The following SNX9 variants were observed in gnomAD, a reference collection of about 807,000 sequenced individuals.
SNX9 encodes the protein sorting nexin-9.
In SNX9, 44 loss-of-function variants were observed where a neutral mutation model predicts 89.4. The observed-to-expected ratio is 0.49, with a 90% CI of 0.39 to 0.63. SNX9 has a LOEUF of 0.63. Ranked by LOEUF, SNX9 falls within the 30% of genes least tolerant of loss-of-function variation. The probability of loss-of-function intolerance (pLI) is 0.00; values close to 1 mark genes in which losing one functional copy is unlikely to be tolerated. For missense variants in SNX9, 578 were observed against 736.1 expected, an observed-to-expected ratio of 0.79 and a Z score of 2.49; for synonymous variants, 236 against 247.8, an observed-to-expected ratio of 0.95 and a Z score of 0.45.
chr6:157,926,513 G>A (rs1286405328), intron 10 of SNX9, among the ~76,000 whole-genome samples: 1 of 152,146 alleles, frequency 6.6e-6, no homozygotes, highest in Non-Finnish European at 1.5e-5. Flanking sequence ...CGAGCACAGT[G>A]GCTTATGCCT....
intron 1 of SNX9, among the ~76,000 whole-genome samples, chr6:157,853,618 T>G (rs937748284): frequency 3.9e-4 from 60 of 152,234 alleles, no homozygotes; most frequent in African/African-American, 1.4e-3. Flanking sequence ...GGTAGGGGAA[T>G]GTCTGGTTCC....
In SNX9 at chr6:157,823,588, G is replaced by A. The variant is rs1781281055; in HGVS notation, c.12+142G>A. ...CTTCCTCGGTGGAGTCCCCGGGCGG[G>A]TCCGCGGCCCAGCCAGTCCCTTCTG... is the stretch of plus-strand genomic sequence containing the variant. On this transcript the variant is annotated intron_variant, in intron 1 of 17. Transcript: ENST00000392185. This position sits in a 1 kb window ranked among gnomAD's most constrained non-coding sequence, Gnocchi z 4.6. 1.5e-6 allele frequency: 1 copy of A among 673,504 alleles called. No individual in the cohort carries two copies. The highest frequency in any genetic ancestry group is 2.0e-6 in the Non-Finnish European group (1 of 509,514). The allele number at this position is 673,504 out of a possible 1,614,324, so 41.7% of individuals were successfully genotyped here.
chr6:157,935,917 GAA>G, intron 13 of SNX9, 45 bp from the exon 14 acceptor site: 4 of 1,367,440 alleles, frequency 2.9e-6, no homozygotes, highest in Non-Finnish European at 4.0e-6. Context: ...CAAGTGAAAA[GAA>G]AATATGCATA....
At chr6:157,883,377 A>G (rs1427318274) in intron 4 of SNX9, among the ~76,000 whole-genome samples, 1 of 152,124 alleles carries the variant, frequency 6.6e-6, no homozygotes, top group Non-Finnish European at 1.5e-5. Flanking sequence ...CTTTTATGTC[A>G]TCTCCTTGTT....
At chr6:157,927,306 C>A in intron 11 of SNX9, 92 bp downstream of exon 11, 1 of 792,142 alleles carries the variant, frequency 1.3e-6, no homozygotes, top group Non-Finnish European at 2.1e-6. Context: ...AGCCGAAACT[C>A]AAATCAGACT....
At chr6:157,904,635 A>G (rs1283934416) in intron 6 of SNX9, among the ~76,000 whole-genome samples, 5 of 151,836 alleles carry the variant, frequency 3.3e-5, no homozygotes, top group East Asian at 1.9e-4. Flanking sequence ...CGCTTGAACC[A>G]GGAGGTGGAG....
intron 9 of SNX9, among the ~76,000 whole-genome samples, chr6:157,918,961 A>G (rs1783528379): frequency 6.6e-6 from 1 of 152,052 alleles, no homozygotes; most frequent in African/African-American, 2.4e-5. Context: ...ACTGCTTTCT[A>G]CAGTCTTTTG....
rs1302713513 is a variant in SNX9, at chr6:157,823,326, C to T, written c.-109C>T. 16 of 1,016,278 alleles carry T rather than the reference C, an allele frequency of 1.6e-5. No individual in the cohort carries two copies. Among genetic ancestry groups the T allele is most frequent in the Non-Finnish European group, 2.0e-5 (16 of 810,462 alleles). 63.0% of individuals were successfully genotyped at this position (1,016,278 alleles called of 1,614,324 possible). On this transcript the variant is annotated 5_prime_UTR_variant, in exon 1 of 18. Transcript: ENST00000392185. This position sits in a 1 kb window ranked among gnomAD's most constrained non-coding sequence, Gnocchi z 4.6. ...CGGAGGAGCGGCCGCCGCGCCGGGG[C>T]CCAGCCGGAGCCGCCGCCCTCGCCC...
rs145589455 is a variant in SNX9 at position 157,867,633 on chromosome 6, G to A, written c.99G>A (p.Pro33=). 28 of 1,608,642 alleles carry A rather than the reference G, an allele frequency of 1.7e-5. No homozygotes were observed. Among genetic ancestry groups the A allele is most frequent in the East Asian group, 2.2e-5 (1 of 44,696 alleles). The change falls in exon 2 of 18, where the codon CCG becomes CCA. Residue 33 remains proline, a splice_region_variant and synonymous_variant. Coordinates refer to ENST00000392185, the MANE Select transcript of SNX9 (RefSeq NM_016224.5). ...GAGAAATCATCACAATCACAAATCC[G>A]GTAAGAGAACTGTACATTCGAGTCT... is the stretch of plus-strand genomic sequence containing the variant. ...NEGEIITITN[P]DVGGGWLEGR...
At chr6:157,919,671 T>G (rs1263184105) in intron 9 of SNX9, among the ~76,000 whole-genome samples, 1 of 152,238 alleles carries the variant, frequency 6.6e-6, no homozygotes, top group Non-Finnish European at 1.5e-5. Flanking sequence ...GAATCTGCTT[T>G]ATCTGCCACA....
chr6:157,916,758 A>G (rs1339913163), intron 9 of SNX9, among the ~76,000 whole-genome samples: 1 of 152,222 alleles, frequency 6.6e-6, no homozygotes, highest in Admixed American at 6.5e-5. Flanking sequence ...CCAGCCTTAC[A>G]TGCCTGGAAT....
chr6:157,914,463 CTTTTTCTTTTTTTTTTT>C (rs1783417457), intron 9 of SNX9, among the ~76,000 whole-genome samples: 1 of 96,632 alleles, frequency 1.0e-5, no homozygotes, highest in Non-Finnish European at 2.0e-5. Flanking sequence ...TTGTCATTTT[CTTTTTCTTTTTTTTTTT>C]TTTTTTTTTT....
chr6:157,874,952 AAGAAT>A (rs1358474433), intron 3 of SNX9, 94 bp from the exon 4 acceptor site: 20 of 1,351,518 alleles, frequency 1.5e-5, no homozygotes, highest in Non-Finnish European at 1.9e-5. Context: ...TGTAGCATTG[AAGAAT>A]ATAAACCCTT....
chr6:157,843,100 A>ATAT (rs528104340), intron 1 of SNX9, among the ~76,000 whole-genome samples: 246 of 152,338 alleles, frequency 1.6e-3, no homozygotes, highest in Admixed American at 3.3e-3. Context: ...TTCCTCAATT[A>ATAT]TAATTTTGCA....
intron 1 of SNX9, among the ~76,000 whole-genome samples, chr6:157,862,021 A>T (rs995968965): frequency 3.3e-5 from 5 of 152,174 alleles, no homozygotes; most frequent in African/African-American, 1.2e-4. Context: ...TCATGTCCTG[A>T]GTGGGAGAGT....
chr6:157,829,793 C>T (rs540227146), intron 1 of SNX9, among the ~76,000 whole-genome samples: 10 of 152,178 alleles, frequency 6.6e-5, no homozygotes, highest in African/African-American at 1.9e-4. Context: ...TATATAAAAG[C>T]CAATAGCTGA....
rs1047645269 is a variant in SNX9 at position 157,823,960 on chromosome 6, G to T, written c.12+514G>T. On this transcript the variant is annotated intron_variant, in intron 1 of 17. Transcript: ENST00000392185. The surrounding 1 kb of genome is among the most constrained non-coding windows in gnomAD (Gnocchi z 4.6). ...TCCCGGCCTGCGGGGGCTCGCGGCC[G>T]GGGAGGGACCGAGGCTGGGACGCCC... Among the ~76,000 whole-genome samples, 1 of 152,184 alleles carries T rather than the reference G, an allele frequency of 6.6e-6. No homozygotes were observed. Among genetic ancestry groups the T allele is most frequent in the Non-Finnish European group, 1.5e-5 (1 of 68,030 alleles).
chr6:157,939,759 T>C (rs1262459139), intron 16 of SNX9, among the ~76,000 whole-genome samples: 7 of 152,206 alleles, frequency 4.6e-5, no homozygotes, highest in Non-Finnish European at 1.5e-5. Flanking sequence ...GAACTTGTGT[T>C]TGAGGTTATC....
chr6:157,921,444 A>T, intron 9 of SNX9, 87 bp from the exon 10 acceptor site: 1 of 1,378,286 alleles, frequency 7.3e-7, no homozygotes, highest in Non-Finnish European at 1.0e-6. Context: ...TAGCCAGTAG[A>T]CATAGAAATG....
Sources: allele counts gnomAD v4.1 joint callset (sites outside exome capture counted in the v4.1 genomes callset), GRCh38; gene constraint gnomAD v4.1.1; non-coding constraint Gnocchi (gnomAD v3.1); transcripts MANE v1.5; gene names NCBI Gene and HGNC (gene_info 2026-07-23, HGNC 2026-07-21).